PICK1: variants seen among roughly 807,000 people sequenced by gnomAD.
PICK1 encodes protein interacting with PRKCA 1.
In PICK1, 23 loss-of-function variants were observed where a neutral mutation model predicts 48.9. That is an observed-to-expected ratio of 0.47 (90% CI 0.34 to 0.67). The LOEUF is 0.67. PICK1 is among the 30% of genes least tolerant of loss of function. The pLI, the probability that PICK1 is intolerant of heterozygous loss-of-function variation, is 0.01. For missense variants in PICK1, 423 were observed against 557.1 expected (o/e 0.76, Z 2.42); for synonymous variants, 217 against 228.2 (o/e 0.95, Z 0.44).
At chr22:38,072,721 C>G in intron 9 of PICK1, 111 bp downstream of exon 9, 1 of 1,461,524 alleles carries the variant, frequency 6.8e-7, no homozygotes, top group Non-Finnish European at 9.5e-7. Flanking sequence ...CAGCCTCTGG[C>G]TCAGTCACCC....
chr22:38,058,902 G>T (rs1184020862), intron 2 of PICK1, among the ~76,000 whole-genome samples: 4 of 152,198 alleles, frequency 2.6e-5, no homozygotes, highest in Non-Finnish European at 4.4e-5. Flanking sequence ...AGCTACTTGG[G>T]CGACTGAGGC....
In PICK1 at chr22:38,072,497, G is replaced by A. The variant is rs201758961; in HGVS notation, c.577G>A (p.Val193Met). 7.7e-5 allele frequency: 125 copies of A among 1,613,416 alleles called. No homozygotes were observed. Among genetic ancestry groups the A allele is most frequent in the Admixed American group, 2.0e-4 (12 of 60,028 alleles). The change falls in exon 9 of 13, where the codon GTG becomes ATG. Residue 193 changes from valine to methionine, a missense_variant. Physicochemically the swap from Val to Met is conservative, Grantham distance 21 (BLOSUM62 1). Around this residue, in one of 2 missense-constraint regions of PICK1, gnomAD observed 279 missense variants for 417.8 expected, o/e 0.67. Coordinates refer to ENST00000356976, the MANE Select transcript of PICK1 (RefSeq NM_012407.4). ...TGCAGCCTTTGGGGACGTGTTCTCC[G>A]TGATCGGGGTGCGGGAGCCCCAGCC... ...THRAFGDVFSVIGVREPQPAA... is the reference protein window; with the variant it reads ...THRAFGDVFSMIGVREPQPAA...
intron 3 of PICK1, among the ~76,000 whole-genome samples, chr22:38,059,903 A>G (rs1398794968): frequency 9.2e-5 from 14 of 152,186 alleles, no homozygotes; most frequent in Admixed American, 3.9e-4. Flanking sequence ...AAAACGACCT[A>G]ACACACTAGA....
chr22:38,075,221 A>G lies in PICK1; in HGVS notation c.*89A>G. On this transcript the variant is annotated 3_prime_UTR_variant, in exon 13 of 13. Transcript: ENST00000356976. Reference sequence around the variant, plus strand: ...GGGCCGCCGCGCAAGGGGGCGACGCATAAAGGCCTGCTGGCTTGGGGCGCC... The same window carrying G: ...GGGCCGCCGCGCAAGGGGGCGACGCGTAAAGGCCTGCTGGCTTGGGGCGCC... 7.6e-7 allele frequency: 1 copy of G among 1,320,186 alleles called. No individual in the cohort carries two copies. Among genetic ancestry groups the G allele is most frequent in the Non-Finnish European group, 1.0e-6 (1 of 974,934 alleles). The allele number at this position is 1,320,186 out of a possible 1,614,324, so 81.8% of individuals were successfully genotyped here.
intron 3 of PICK1, among the ~76,000 whole-genome samples, chr22:38,061,216 C>G (rs2085392836): frequency 6.6e-6 from 1 of 152,006 alleles, no homozygotes; most frequent in Admixed American, 6.6e-5. Flanking sequence ...TGGCGGGTTC[C>G]TGTAATCCCA....
intron 3 of PICK1, among the ~76,000 whole-genome samples, chr22:38,060,618 G>A (rs1209730621): frequency 6.6e-6 from 1 of 152,106 alleles, no homozygotes; most frequent in Non-Finnish European, 1.5e-5. Context: ...CTGTGACCCA[G>A]GAGGCATTAG....
rs1203710014 is a variant in PICK1 at position 38,074,648 on chromosome 22, C to T, written c.979+197C>T. ...TGGGCTGCCATCCATGATCCATTTA[C>T]CCTGCAGCCTCCTGCGTTCCCTGAA... On this transcript the variant is annotated intron_variant, in intron 12 of 12. Transcript: ENST00000356976. This position sits in a 1 kb window ranked among gnomAD's most constrained non-coding sequence, Gnocchi z 4.5. Among the ~76,000 whole-genome samples the T allele has an allele frequency of 6.6e-6, 1 of 152,248 alleles. No homozygotes were observed. The highest frequency in any genetic ancestry group is 1.5e-5 in the Non-Finnish European group (1 of 68,038).
chr22:38,059,471 C>A, intron 3 of PICK1, 126 bp downstream of exon 3: 1 of 721,808 alleles, frequency 1.4e-6, no homozygotes, highest in Non-Finnish European at 2.5e-6. Context: ...CTCAGAGGGG[C>A]TTTCTGACCA....
In PICK1 at chr22:38,067,740, G is replaced by C. The variant is rs754638692; in HGVS notation, c.319G>C (p.Asp107His). 1.2e-6 allele frequency: 2 copies of C among 1,614,054 alleles called. No individual in the cohort carries two copies. The highest frequency in any genetic ancestry group is 2.7e-5 in the African/African-American group (2 of 75,042). The change falls in exon 5 of 13, where the codon GAC becomes CAC. Residue 107 changes from aspartate (D) to histidine (H), a missense_variant. Around this residue, in one of 2 missense-constraint regions of PICK1, gnomAD observed 279 missense variants for 417.8 expected, o/e 0.67. Transcript: ENST00000356976. ...CATCCACTACAACAAGCTGCAGGCG[G>C]ACCCCAAGCAGGGCATGTCCCTGGA... is the stretch of plus-strand genomic sequence containing the variant. Reference protein sequence around the residue: ...VTIHYNKLQADPKQGMSLDIV... With the variant: ...VTIHYNKLQAHPKQGMSLDIV...
At chr22:38,068,271 C>T (rs1261677679) in intron 5 of PICK1, among the ~76,000 whole-genome samples, 2 of 152,218 alleles carry the variant, frequency 1.3e-5, no homozygotes. Flanking sequence ...CAAGTTCCCT[C>T]CTGTTAGAGG....
intron 6 of PICK1, among the ~76,000 whole-genome samples, chr22:38,070,213 C>A (rs889540093): frequency 6.6e-6 from 1 of 152,258 alleles, no homozygotes; most frequent in Non-Finnish European, 1.5e-5. Flanking sequence ...GAGCAGAGAG[C>A]ACCTGACTGC....
At chr22:38,071,814 G>T in intron 8 of PICK1, 70 bp downstream of exon 8, 1 of 1,392,374 alleles carries the variant, frequency 7.2e-7, no homozygotes, top group Non-Finnish European at 1.0e-6. Context: ...CCATGCTGAG[G>T]TGGGTCAGAC....
chr22:38,057,726 C>A, intron 1 of PICK1, 27 bp from the exon 2 acceptor site: 1 of 1,291,538 alleles, frequency 7.7e-7, no homozygotes, highest in Non-Finnish European at 1.1e-6. Flanking sequence ...TCCTTAAATC[C>A]TATGCTCCTT....
chr22:38,071,644 A>G (rs756163428), intron 7 of PICK1, 38 bp from the exon 8 acceptor site: 3 of 1,591,900 alleles, frequency 1.9e-6, no homozygotes, highest in African/African-American at 1.3e-5. Flanking sequence ...GGTCCCCGCC[A>G]TGCGTCCCCA....
At chr22:38,068,484 T>C (rs1219618026) in intron 5 of PICK1, among the ~76,000 whole-genome samples, 1 of 152,160 alleles carries the variant, frequency 6.6e-6, no homozygotes, top group Non-Finnish European at 1.5e-5. Flanking sequence ...GCCAAGGGGC[T>C]AAGGGCAGGC....
chr22:38,057,948 T>C lies in PICK1; in HGVS notation c.41+98T>C, dbSNP rs927674805. On this transcript the variant is annotated intron_variant, in intron 2 of 12. Transcript: ENST00000356976. ...CCCACAGACCCTTGCTTCTCAGCGG[T>C]GGATCAGTTGTTGTACTGAAGCAGC... 2.4e-5 allele frequency: 24 copies of C among 985,562 alleles called. No homozygotes were observed. The African/African-American group carries it at 3.3e-4, about 14-fold the overall frequency. 61.1% of individuals were successfully genotyped at this position (985,562 alleles called of 1,614,324 possible). A position where few individuals can be genotyped will look rare whatever the true frequency, so the allele number is the denominator to read the frequency against.
chr22:38,069,619 G>T (rs868037270), intron 6 of PICK1, among the ~76,000 whole-genome samples: 3 of 152,160 alleles, frequency 2.0e-5, no homozygotes. Flanking sequence ...CCCTCCTACC[G>T]TCGCCAGTCC....
At chr22:38,068,025 C>T (rs748260881) in intron 5 of PICK1, 3 of 604,584 alleles carry the variant, frequency 5.0e-6, no homozygotes, top group South Asian at 4.6e-5. Flanking sequence ...CTCCCTGCTT[C>T]TGCCATCTCC....
intron 4 of PICK1, among the ~76,000 whole-genome samples, chr22:38,065,877 A>G (rs1315964456): frequency 6.6e-6 from 1 of 152,104 alleles, no homozygotes; most frequent in African/African-American, 2.4e-5. Context: ...TCTCGGGGGC[A>G]AGGGTCCCCA....
Sources: allele counts gnomAD v4.1 joint callset (sites outside exome capture counted in the v4.1 genomes callset), GRCh38; gene constraint gnomAD v4.1.1; regional missense constraint gnomAD v4.1.1; non-coding constraint Gnocchi (gnomAD v3.1); transcripts MANE v1.5; gene names NCBI Gene and HGNC (gene_info 2026-07-23, HGNC 2026-07-21).